The following RUNDC3B variants were observed in gnomAD, a reference collection of about 807,000 sequenced individuals.
RUNDC3B encodes RUN domain-containing protein 3B.
In RUNDC3B, 33 loss-of-function variants were observed where a neutral mutation model predicts 58.4. The ratio of observed to expected loss-of-function variants is 0.56; its 90% confidence interval spans 0.43 to 0.75. RUNDC3B has a LOEUF of 0.75. Among genes scored for constraint, RUNDC3B ranks in the 30% least tolerant of loss-of-function variants. RUNDC3B has a pLI of 0.00. For synonymous variants in RUNDC3B, 193 were observed against 195.2 expected, an observed-to-expected ratio of 0.99 and a Z score of 0.10; for missense variants, 501 against 535.7, an observed-to-expected ratio of 0.94 and a Z score of 0.64.
intron 1 of RUNDC3B, among the ~76,000 whole-genome samples, chr7:87,640,023 G>C (rs1822261921): frequency 6.6e-6 from 1 of 150,588 alleles, no homozygotes; most frequent in Non-Finnish European, 1.5e-5. Flanking sequence ...TTGTGAACTT[G>C]TGAGTCATAT....
chr7:87,752,551 G>C (rs1026091605), intron 6 of RUNDC3B, among the ~76,000 whole-genome samples: 79 of 152,212 alleles, frequency 5.2e-4, no homozygotes, highest in African/African-American at 1.9e-3. Flanking sequence ...CACAATTTCA[G>C]ATCCTGTTAT....
intron 2 of RUNDC3B, among the ~76,000 whole-genome samples, chr7:87,679,406 T>A (rs1826702484): frequency 6.7e-6 from 1 of 149,732 alleles, no homozygotes; most frequent in South Asian, 2.1e-4. Context: ...AACTTTTTTT[T>A]AAGACAGGAT....
chr7:87,735,777 T>G (rs1831890335), intron 4 of RUNDC3B, among the ~76,000 whole-genome samples: 1 of 152,110 alleles, frequency 6.6e-6, no homozygotes, highest in South Asian at 2.1e-4. Flanking sequence ...TTCCTTCCAT[T>G]TGTCTCTATC....
At chr7:87,710,677 T>C in intron 4 of RUNDC3B, 22 bp downstream of exon 4, 1 of 1,322,052 alleles carries the variant, frequency 7.6e-7, no homozygotes. Flanking sequence ...CTTTTAATTT[T>C]CTAATATATA....
At chr7:87,757,009 A>G (rs1160729473) in intron 6 of RUNDC3B, among the ~76,000 whole-genome samples, 1 of 152,186 alleles carries the variant, frequency 6.6e-6, no homozygotes, top group African/African-American at 2.4e-5. Flanking sequence ...CAACTCACAA[A>G]GAAAAATAGA....
intron 2 of RUNDC3B, among the ~76,000 whole-genome samples, chr7:87,671,278 T>C (rs1015539103): frequency 2.3e-4 from 35 of 152,152 alleles, no homozygotes; most frequent in African/African-American, 8.0e-4. Context: ...ACTCTCTTAT[T>C]GGTCCGGCAA....
chr7:87,773,491 A>G (rs530454946), intron 7 of RUNDC3B, among the ~76,000 whole-genome samples: 5 of 152,332 alleles, frequency 3.3e-5, no homozygotes, highest in South Asian at 4.1e-4. Context: ...TGTCTTTCAG[A>G]GTAATTTATA....
At chr7:87,819,824 G>A (rs541007461) in intron 10 of RUNDC3B, among the ~76,000 whole-genome samples, 103 of 152,228 alleles carry the variant, frequency 6.8e-4, no homozygotes, top group Non-Finnish European at 1.2e-3. Context: ...AAATAAAGAT[G>A]TTCTTTGAAA....
chr7:87,804,543 G>A (rs1836339989), intron 8 of RUNDC3B, among the ~76,000 whole-genome samples: 1 of 152,138 alleles, frequency 6.6e-6, no homozygotes, highest in South Asian at 2.1e-4. Context: ...TTTAGAGGTA[G>A]ATACCACGGG....
rs576674567 is a variant in RUNDC3B, at chr7:87,655,790, C to A, written c.238+4853C>A. On this transcript the variant is annotated intron_variant, in intron 2 of 10. Coordinates refer to ENST00000394654, the MANE Select transcript of RUNDC3B (RefSeq NM_001134405.2). The stretch of plus-strand genomic sequence containing the variant: ...CAAATTCATATGCTGGAAACTTAAC[C>A]CCCTGTCCAACAGTGCTGGGAAGTG... Among the ~76,000 whole-genome samples, 24 of 152,128 alleles carry A rather than the reference C, an allele frequency of 1.6e-4. No individual in the cohort carries two copies. The South Asian group carries it at 4.8e-3, about 30-fold the overall frequency.
At chr7:87,651,715 C>T (rs1343584741) in intron 2 of RUNDC3B, among the ~76,000 whole-genome samples, 3 of 152,078 alleles carry the variant, frequency 2.0e-5, no homozygotes, top group East Asian at 1.9e-4. Flanking sequence ...GCATCTCAGG[C>T]GTACTGTGAA....
intron 7 of RUNDC3B, 143 bp from the exon 8 acceptor site, chr7:87,777,655 T>C (rs1834707656): frequency 5.0e-6 from 3 of 594,106 alleles, no homozygotes; most frequent in Non-Finnish European, 8.5e-6. Context: ...TTAAGACAAA[T>C]TTTTTACTAA....
intron 7 of RUNDC3B, among the ~76,000 whole-genome samples, chr7:87,771,994 A>G (rs1037897776): frequency 6.6e-6 from 1 of 152,194 alleles, no homozygotes; most frequent in Admixed American, 6.5e-5. Context: ...ATCATGGCCA[A>G]TTTAAAGCTA....
intron 3 of RUNDC3B, among the ~76,000 whole-genome samples, 192 bp downstream of exon 3, chr7:87,700,746 AC>A (rs1230958183): frequency 6.6e-6 from 1 of 152,218 alleles, no homozygotes; most frequent in Non-Finnish European, 1.5e-5. Flanking sequence ...GTTCAGCAGA[AC>A]CCTGAAGATG....
chr7:87,773,709 G>T (rs1834444455), intron 7 of RUNDC3B, among the ~76,000 whole-genome samples: 1 of 146,044 alleles, frequency 6.8e-6, no homozygotes, highest in Non-Finnish European at 1.5e-5. Flanking sequence ...ATGGAGTCTC[G>T]CTTTGTCACC....
At chr7:87,771,073 C>T (rs933218978) in intron 7 of RUNDC3B, among the ~76,000 whole-genome samples, 2 of 152,104 alleles carry the variant, frequency 1.3e-5, no homozygotes, top group African/African-American at 2.4e-5. Context: ...TGCCTAAGCA[C>T]GTACATCTGA....
chr7:87,825,338 G>A (rs1837743157), intron 10 of RUNDC3B, among the ~76,000 whole-genome samples: 2 of 152,206 alleles, frequency 1.3e-5, no homozygotes, highest in Admixed American at 6.5e-5. Flanking sequence ...AAATGTCTAA[G>A]CCCCAAGCCT....
intron 6 of RUNDC3B, among the ~76,000 whole-genome samples, chr7:87,759,570 G>A (rs1337383769): frequency 6.6e-6 from 1 of 152,080 alleles, no homozygotes; most frequent in Admixed American, 6.6e-5. Flanking sequence ...TCTGAGGCAG[G>A]GGGATCACTT....
intron 3 of RUNDC3B, 163 bp downstream of exon 3, chr7:87,700,717 C>G (rs1828956952): frequency 1.6e-6 from 1 of 624,470 alleles, no homozygotes; most frequent in Non-Finnish European, 2.6e-6. Flanking sequence ...ATTATCTAAA[C>G]TAGTGGCTCT....
Sources: allele counts gnomAD v4.1 joint callset (sites outside exome capture counted in the v4.1 genomes callset), GRCh38; gene constraint gnomAD v4.1.1; transcripts MANE v1.5; gene names NCBI Gene and HGNC (gene_info 2026-07-23, HGNC 2026-07-21).